The following ITPR2 variants were observed in gnomAD, a reference collection of about 807,000 sequenced individuals.
The protein encoded by ITPR2 is inositol 1,4,5-trisphosphate-gated calcium channel ITPR2.
Under a neutral mutation model 317.1 loss-of-function variants are expected in ITPR2, and 207 were observed. That is an observed-to-expected ratio of 0.65 (90% CI 0.58 to 0.73). The LOEUF is 0.73. ITPR2 is among the 30% of genes least tolerant of loss of function. The pLI is 0.00. For missense variants in ITPR2, 2,613 were observed against 3,284.0 expected (o/e 0.80, Z 4.99); for synonymous variants, 1,156 against 1,149.1 (o/e 1.01, Z -0.12).
At chr12:26,562,386 TAAC>T (rs1944842558) in intron 34 of ITPR2, among the ~76,000 whole-genome samples, 1 of 152,208 alleles carries the variant, frequency 6.6e-6, no homozygotes, top group Non-Finnish European at 1.5e-5. Context: ...AGAATAGAAA[TAAC>T]AAGTTGAAGA....
chr12:26,609,099 A>C (rs567107105), intron 26 of ITPR2, among the ~76,000 whole-genome samples: 1 of 152,312 alleles, frequency 6.6e-6, no homozygotes, highest in African/African-American at 2.4e-5. Context: ...AGGGGGGTGT[A>C]TGTATAAAAT....
In ITPR2 at chr12:26,337,871, G is replaced by C. The variant is rs1392034109; in HGVS notation, c.*1526C>G. Reference sequence around the variant, plus strand: ...CATCTTAACAGTATGTGGAAGGATTGGTTCAGGCTTCCTTTATATTCTACA... The same window carrying C: ...CATCTTAACAGTATGTGGAAGGATTCGTTCAGGCTTCCTTTATATTCTACA... On this transcript the variant is annotated 3_prime_UTR_variant, in exon 57 of 57. Coordinates refer to ENST00000381340, the MANE Select transcript of ITPR2 (RefSeq NM_002223.4). The C allele has an allele frequency of 6.6e-6, 1 of 152,190 alleles. No homozygotes were observed. The highest frequency in any genetic ancestry group is 1.5e-5 in the Non-Finnish European group (1 of 68,036). The allele number at this position is 152,190 out of a possible 1,614,324, so 9.4% of individuals were successfully genotyped here. A position where few individuals can be genotyped will look rare whatever the true frequency, so the allele number is the denominator to read the frequency against.
At chr12:26,566,264 G>A (rs760640616) in intron 34 of ITPR2, among the ~76,000 whole-genome samples, 8 of 129,692 alleles carry the variant, frequency 6.2e-5, no homozygotes, top group Non-Finnish European at 1.3e-4. Flanking sequence ...GAGAGGGAGA[G>A]GAGAAGGAGA....
intron 37 of ITPR2, among the ~76,000 whole-genome samples, chr12:26,511,948 C>T (rs1224967087): frequency 6.6e-6 from 1 of 152,172 alleles, no homozygotes; most frequent in Non-Finnish European, 1.5e-5. Flanking sequence ...ACACTAAAAT[C>T]TCCTTCTCTG....
intron 21 of ITPR2, among the ~76,000 whole-genome samples, chr12:26,650,203 C>T (rs1947215346): frequency 6.6e-6 from 1 of 151,910 alleles, no homozygotes; most frequent in East Asian, 1.9e-4. Context: ...AACAAGGTAA[C>T]AACTTTTCCA....
chr12:26,654,138 A>C lies in ITPR2; in HGVS notation c.2590-12T>G, dbSNP rs773286398. On this transcript the variant is annotated splice_polypyrimidine_tract_variant and intron_variant, in intron 20 of 56. Transcript: ENST00000381340. ...GCCAAGTGGACCACCTTAATAAAAAAAAAAAAGCGGGGAGGGGGAGGGTGA... is the reference window on the plus strand; with the variant it reads ...GCCAAGTGGACCACCTTAATAAAAACAAAAAAGCGGGGAGGGGGAGGGTGA... The C allele has an allele frequency of 1.4e-4, 212 of 1,544,520 alleles. No homozygotes were observed. Among genetic ancestry groups the C allele is most frequent in the Non-Finnish European group, 1.8e-4 (205 of 1,158,684 alleles).
intron 2 of ITPR2, among the ~76,000 whole-genome samples, chr12:26,788,630 C>T (rs118174146): frequency 1.3e-5 from 2 of 152,316 alleles, no homozygotes; most frequent in East Asian, 3.9e-4. Context: ...TTCTCACCCA[C>T]ATTCCTCCAC....
At chr12:26,416,070 T>A (rs1025181916) in intron 50 of ITPR2, among the ~76,000 whole-genome samples, 4 of 152,260 alleles carry the variant, frequency 2.6e-5, no homozygotes, top group African/African-American at 7.2e-5. Flanking sequence ...AATGCAAACA[T>A]CCTTCCTTAG....
chr12:26,648,590 C>A (rs1382494170), intron 21 of ITPR2, among the ~76,000 whole-genome samples: 2 of 136,238 alleles, frequency 1.5e-5, no homozygotes, highest in Non-Finnish European at 3.1e-5. Flanking sequence ...AAAATACTTA[C>A]AGTATGAGAG....
In ITPR2 at chr12:26,791,218, T is replaced by A. The variant is rs550324470; in HGVS notation, c.93-991A>T. 7.9e-5 allele frequency among the ~76,000 whole-genome samples: 12 copies of A among 152,286 alleles called. No homozygotes were observed. The South Asian group carries it at 2.5e-3, about 32-fold the overall frequency. ...TGAATCCCCTGTTCAAAGAGAAAGATCTCTTAATACCAGACTCACTAACAT... is the reference window on the plus strand; with the variant it reads ...TGAATCCCCTGTTCAAAGAGAAAGAACTCTTAATACCAGACTCACTAACAT... On this transcript the variant is annotated intron_variant, in intron 1 of 56. Coordinates refer to ENST00000381340, the MANE Select transcript of ITPR2 (RefSeq NM_002223.4).
At chr12:26,398,566 A>G (rs1369932311) in intron 54 of ITPR2, among the ~76,000 whole-genome samples, 1 of 152,228 alleles carries the variant, frequency 6.6e-6, no homozygotes, top group Non-Finnish European at 1.5e-5. Context: ...TTGCATAATA[A>G]ATATGTTACT....
rs755735409 is a variant in ITPR2 at position 26,335,587 on chromosome 12, G to A, written c.*3810C>T. On this transcript the variant is annotated 3_prime_UTR_variant, in exon 57 of 57. Coordinates refer to ENST00000381340, the MANE Select transcript of ITPR2 (RefSeq NM_002223.4). ...CAGCTTTCTCGATTTTCACATGCAC[G>A]TTAGGCTATCTGGTTTTGATAGTGC... Among the ~76,000 whole-genome samples, 22 of 152,274 alleles carry A rather than the reference G, an allele frequency of 1.4e-4. No individual in the cohort carries two copies. The highest frequency in any genetic ancestry group is 3.9e-4 in the East Asian group (2 of 5,190).
intron 34 of ITPR2, among the ~76,000 whole-genome samples, chr12:26,564,757 G>T (rs2137035590): frequency 6.6e-6 from 1 of 152,310 alleles, no homozygotes; most frequent in East Asian, 1.9e-4. Context: ...AGAAAGGCAT[G>T]GAACGAATTC....
Position 26,653,964 on chromosome 12 carries a change from C to T in ITPR2, c.2740+12G>A. ...ATAACAATGATATTATCACATTTCC[C>T]AAAATTCTTACCTCCATCTTGAAAT... is the stretch of plus-strand genomic sequence containing the variant. On this transcript the variant is annotated intron_variant, in intron 21 of 56. Coordinates refer to ENST00000381340, the MANE Select transcript of ITPR2 (RefSeq NM_002223.4). 6.2e-7 allele frequency: 1 copy of T among 1,602,250 alleles called. No homozygotes were observed. The highest frequency in any genetic ancestry group is 2.2e-5 in the East Asian group (1 of 44,738).
chr12:26,829,859 A>G (rs997129869), intron 1 of ITPR2, among the ~76,000 whole-genome samples: 3 of 152,144 alleles, frequency 2.0e-5, no homozygotes, highest in African/African-American at 4.8e-5. Context: ...AGAATATCCA[A>G]TCAAAGCACC....
At chr12:26,458,650 C>T (rs1032088433) in intron 45 of ITPR2, among the ~76,000 whole-genome samples, 5 of 152,108 alleles carry the variant, frequency 3.3e-5, no homozygotes, top group East Asian at 1.9e-4. Context: ...TGAGGGGTGA[C>T]GGAGGGGAAC....
intron 26 of ITPR2, among the ~76,000 whole-genome samples, chr12:26,617,252 T>C (rs1424691346): frequency 6.6e-6 from 1 of 152,100 alleles, no homozygotes; most frequent in Admixed American, 6.6e-5. Flanking sequence ...GAAAAAGGGA[T>C]ACAAAGCTAT....
At chr12:26,692,379 A>G (rs1948257492) in intron 10 of ITPR2, among the ~76,000 whole-genome samples, 1 of 152,222 alleles carries the variant, frequency 6.6e-6, no homozygotes, top group Non-Finnish European at 1.5e-5. Flanking sequence ...TTGCACCACA[A>G]CAGAGAATTA....
chr12:26,588,916 G>T (rs1479315672), intron 32 of ITPR2, among the ~76,000 whole-genome samples: 2 of 152,102 alleles, frequency 1.3e-5, no homozygotes, highest in Non-Finnish European at 2.9e-5. Context: ...TAGCAAAATT[G>T]GAAACATCTT....
Sources: gnomAD v4.1 joint callset for allele counts (sites outside exome capture counted in the v4.1 genomes callset) on GRCh38, gnomAD v4.1.1 for gene constraint, MANE v1.5 for transcripts, NCBI Gene and HGNC (gene_info 2026-07-23, HGNC 2026-07-21) for gene names.